DEK: variants seen among roughly 807,000 people sequenced by gnomAD.
DEK encodes protein DEK.
Under a neutral mutation model 46.8 loss-of-function variants are expected in DEK, and 28 were observed. That is an observed-to-expected ratio of 0.60 (90% confidence interval 0.44 to 0.82). The LOEUF (loss-of-function observed/expected upper bound fraction) is 0.82. Ranked by LOEUF, DEK falls within the 40% of genes least tolerant of loss-of-function variation. The probability of loss-of-function intolerance (pLI) is 0.00; values close to 1 mark genes in which losing one functional copy is unlikely to be tolerated. For synonymous variants in DEK, 160 were observed against 144.5 expected, an observed-to-expected ratio of 1.11 and a Z score of -0.77; for missense variants, 416 against 430.6, an observed-to-expected ratio of 0.97 and a Z score of 0.30.
Position 18,264,124 on chromosome 6 carries a change from G to C in DEK, c.-9-128C>G, listed in dbSNP as rs214514. The C allele has an allele frequency of 6.0e-5, 48 of 802,774 alleles. 1 individual carries two copies. The South Asian group carries it at 1.0e-3, about 17-fold the overall frequency. The allele number at this position is 802,774 out of a possible 1,614,324, so 49.7% of individuals were successfully genotyped here. On this transcript the variant is annotated intron_variant, in intron 1 of 10. Coordinates refer to ENST00000652689, the MANE Select transcript of DEK (RefSeq NM_003472.4). ...CTGAAAGTTGCCTCCTCCCATAGCC[G>C]GGACCGCAGCGCTCAGTCCCCAGGG...
intron 7 of DEK, among the ~76,000 whole-genome samples, chr6:18,238,609 A>G (rs1411555497): frequency 1.3e-5 from 2 of 150,778 alleles, no homozygotes; most frequent in African/African-American, 4.9e-5. Context: ...AGGCAAGAGA[A>G]TTGCTTGAAC....
chr6:18,232,835 T>C (rs528046532), intron 9 of DEK, among the ~76,000 whole-genome samples: 2 of 152,086 alleles, frequency 1.3e-5, no homozygotes, highest in Non-Finnish European at 2.9e-5. Flanking sequence ...ACTTTCTTCA[T>C]AGAACTGGAA....
chr6:18,244,977 T>C (rs1449752889), intron 7 of DEK, among the ~76,000 whole-genome samples: 1 of 152,234 alleles, frequency 6.6e-6, no homozygotes, highest in Non-Finnish European at 1.5e-5. Context: ...GGAGTTTCTC[T>C]GACTTGGCAA....
At chr6:18,239,338 CTTTTTTTTTT>C (rs58941276) in intron 7 of DEK, among the ~76,000 whole-genome samples, 3 of 78,294 alleles carry the variant, frequency 3.8e-5, no homozygotes, top group African/African-American at 6.0e-5. Context: ...ATTTTAGTGT[CTTTTTTTTTT>C]TTTTTTTTTT....
rs555015031 is a variant in DEK at position 18,238,140 on chromosome 6, A to G, written c.763-624T>C. 8.7e-3 allele frequency among the ~76,000 whole-genome samples: 1,317 copies of G among 152,044 alleles called. 27 individuals are homozygous for G. Among genetic ancestry groups the G allele is most frequent in the African/African-American group, 0.03 (1,249 of 41,504 alleles). ...TGCCTTGGCCTCCCAAAGTGCTGGG[A>G]TTACAGGCATGAGCCACCACACCTG... is the stretch of plus-strand genomic sequence containing the variant. On this transcript the variant is annotated intron_variant, in intron 7 of 10. Coordinates refer to ENST00000652689, the MANE Select transcript of DEK (RefSeq NM_003472.4).
intron 6 of DEK, among the ~76,000 whole-genome samples, chr6:18,251,788 C>A (rs1488027155): frequency 6.6e-6 from 1 of 152,144 alleles, no homozygotes; most frequent in African/African-American, 2.4e-5. Context: ...CCCTCACAAT[C>A]TCAGCTCAGA....
chr6:18,264,528 A>G lies in DEK; in HGVS notation c.-153T>C, dbSNP rs763445167. The stretch of plus-strand genomic sequence containing the variant: ...GCGCGCTCGGCTCCCCAGAATCAAC[A>G]AGATTTTCAAAATGGCGGTTCGGGA... On this transcript the variant is annotated 5_prime_UTR_variant, in exon 1 of 11. Transcript: ENST00000652689. 9.2e-6 allele frequency: 2 copies of G among 218,378 alleles called. No individual in the cohort carries two copies. Among genetic ancestry groups the G allele is most frequent in the Non-Finnish European group, 1.9e-5 (2 of 103,998 alleles). 13.5% of individuals were successfully genotyped at this position (218,378 alleles called of 1,614,324 possible). A position where few individuals can be genotyped will look rare whatever the true frequency, so the allele number is the denominator to read the frequency against.
intron 7 of DEK, among the ~76,000 whole-genome samples, chr6:18,249,369 C>T (rs1048509560): frequency 2.6e-5 from 4 of 152,136 alleles, no homozygotes; most frequent in Admixed American, 6.6e-5. Flanking sequence ...GCACCACTTC[C>T]GCTTCCCTTC....
rs149922043 is a variant in DEK at position 18,263,949 on chromosome 6, G to A, written c.39C>T (p.Thr13=). 2 of 1,613,038 alleles carry A rather than the reference G, an allele frequency of 1.2e-6. No individual in the cohort carries two copies. Among genetic ancestry groups the A allele is most frequent in the Non-Finnish European group, 1.7e-6 (2 of 1,179,612 alleles). ...CTTTCTCGGACGCGGGCTGGGTGGG[G>A]GTTCCCTCCCCCTCCGCAGCAGGGG... is the stretch of plus-strand genomic sequence containing the variant. The part of the protein sequence containing the change: ...ASAPAAEGEG[T]PTQPASEKEP... Residue 13 remains threonine (T), a synonymous_variant, in exon 2 of 11, where the codon ACC becomes ACT. Coordinates refer to ENST00000652689, the MANE Select transcript of DEK (RefSeq NM_003472.4).
chr6:18,262,999 T>C (rs1465598869), intron 2 of DEK, among the ~76,000 whole-genome samples: 2 of 151,962 alleles, frequency 1.3e-5, no homozygotes, highest in African/African-American at 4.8e-5. Context: ...CGTAAACATA[T>C]ACGAAATAAC....
rs540994389 is a variant in DEK, at chr6:18,256,508, G to C, written c.358-53C>G. 4.1e-6 allele frequency: 6 copies of C among 1,456,858 alleles called. No homozygotes were observed. In the South Asian group the frequency reaches 7.5e-5, roughly 18 times the overall value. The allele number at this position is 1,456,858 out of a possible 1,614,324, so 90.2% of individuals were successfully genotyped here. On this transcript the variant is annotated intron_variant, in intron 4 of 10. Coordinates refer to ENST00000652689, the MANE Select transcript of DEK (RefSeq NM_003472.4). ...ATTTATTACCCAGTAATGTACACAA[G>C]AATAAATTCAAAGCCAATTCAAAGT... is the stretch of plus-strand genomic sequence containing the variant.
rs1220107552 is a variant in DEK at position 18,257,966 on chromosome 6, T to G, written c.344A>C (p.Asn115Thr). ...ELRNLHKLLYNRPGTVSSLKK... is the reference protein window; with the variant it reads ...ELRNLHKLLYTRPGTVSSLKK... ...AAAAGGTCTTACAGTGCCTGGCCTG[T>G]TGTAAAGCAGTTTGTGTAGATTTCT... Residue 115 changes from asparagine to threonine, a missense_variant, in exon 4 of 11, where the codon AAC becomes ACC. By Grantham distance (65) the Asn-to-Thr change is moderately conservative. Transcript: ENST00000652689. The G allele has an allele frequency of 1.9e-6, 3 of 1,608,342 alleles. No individual in the cohort carries two copies.
chr6:18,246,886 AAG>A (rs927192825), intron 7 of DEK, among the ~76,000 whole-genome samples: 3 of 151,984 alleles, frequency 2.0e-5, no homozygotes, highest in African/African-American at 2.4e-5. Context: ...CTTAATGAAT[AAG>A]AGTCTTTTAT....
intron 7 of DEK, 135 bp downstream of exon 7, chr6:18,249,516 C>T (rs902377616): frequency 7.7e-7 from 1 of 1,301,196 alleles, no homozygotes; most frequent in African/African-American, 1.5e-5. Flanking sequence ...GAAATGGGTT[C>T]ATACTTAATC....
chr6:18,241,099 A>C (rs1425735622), intron 7 of DEK, among the ~76,000 whole-genome samples: 1 of 152,188 alleles, frequency 6.6e-6, no homozygotes, highest in African/African-American at 2.4e-5. Context: ...CTGAACAGTA[A>C]AACTACTAAT....
rs1291233178 is a variant in DEK, at chr6:18,224,044, T to C, written c.*1675A>G. ...GAAGTCACTCCAAGAAAATGGTCCA[T>C]TACCACAAAAGAGTATTCCAAATTG... On this transcript the variant is annotated 3_prime_UTR_variant, in exon 11 of 11. Transcript: ENST00000652689. 6.4e-6 allele frequency: 1 copy of C among 157,046 alleles called. No individual in the cohort carries two copies. Among genetic ancestry groups the C allele is most frequent in the Non-Finnish European group, 1.4e-5 (1 of 70,984 alleles). The allele number at this position is 157,046 out of a possible 1,614,324, so 9.7% of individuals were successfully genotyped here.
chr6:18,236,658 G>C (rs555519554), intron 8 of DEK, 58 bp from the exon 9 acceptor site: 1 of 1,205,074 alleles, frequency 8.3e-7, no homozygotes, highest in East Asian at 3.0e-5. Flanking sequence ...ATTTAACAAA[G>C]GCTGAGATGA....
At chr6:18,239,112 C>T (rs1001425939) in intron 7 of DEK, among the ~76,000 whole-genome samples, 5 of 152,080 alleles carry the variant, frequency 3.3e-5, no homozygotes, top group Admixed American at 2.0e-4. Context: ...TTAGTAGAGA[C>T]GGGGTTTCTC....
intron 7 of DEK, among the ~76,000 whole-genome samples, chr6:18,243,045 T>C (rs1301798088): frequency 1.3e-5 from 2 of 152,190 alleles, no homozygotes; most frequent in Non-Finnish European, 2.9e-5. Context: ...CTTGGCATGA[T>C]CTGCAGTTTC....
Sources: gnomAD v4.1 joint callset for allele counts (sites outside exome capture counted in the v4.1 genomes callset) on GRCh38, gnomAD v4.1.1 for gene constraint, MANE v1.5 for transcripts, NCBI Gene and HGNC (gene_info 2026-07-23, HGNC 2026-07-21) for gene names.